Variants in GPHN observed in about 807,000 individuals in gnomAD.
The protein encoded by GPHN is gephyrin.
A neutral mutation model predicts 95.5 loss-of-function variants in GPHN; 17 were observed. The ratio of observed to expected loss-of-function variants is 0.18; its 90% CI spans 0.12 to 0.27. GPHN has a LOEUF of 0.27. Ranked by LOEUF, GPHN falls within the 10% of genes least tolerant of loss-of-function variation. The probability of loss-of-function intolerance (pLI) is 1.00; values close to 1 mark genes in which losing one functional copy is unlikely to be tolerated. For missense variants in GPHN, 660 were observed against 978.1 expected (o/e 0.67, Z 4.34); for synonymous variants, 320 against 322.5 (o/e 0.99, Z 0.08).
chr14:66,990,199 T>G (rs1428237541), intron 9 of GPHN, among the ~76,000 whole-genome samples: 1 of 151,996 alleles, frequency 6.6e-6, no homozygotes, highest in Non-Finnish European at 1.5e-5. Context: ...CCCTCACTAT[T>G]TACAAGAACA....
At chr14:67,298,652 G>A in the GPHN span, among the ~76,000 whole-genome samples, 1 of 152,180 alleles carries the variant, frequency 6.6e-6, no homozygotes, top group Non-Finnish European at 1.5e-5. Context: ...CATTTTTGGA[G>A]TAACTGACTT....
intron 8 of GPHN, among the ~76,000 whole-genome samples, chr14:66,926,352 T>C (rs1158344012): frequency 1.3e-5 from 2 of 152,204 alleles, no homozygotes; most frequent in African/African-American, 4.8e-5. Context: ...CAATGTTTCC[T>C]TTTAGTGGTT....
chr14:66,786,460 AT>A (rs916743009), intron 3 of GPHN, among the ~76,000 whole-genome samples: 33 of 152,190 alleles, frequency 2.2e-4, no homozygotes, highest in Non-Finnish European at 1.2e-4. Flanking sequence ...TCTACCAAAT[AT>A]TTAAAAAAGA....
the GPHN span, among the ~76,000 whole-genome samples, chr14:67,315,354 G>T: frequency 5.3e-5 from 7 of 132,738 alleles, no homozygotes; most frequent in South Asian, 1.2e-3. Context: ...TCAGCTCACT[G>T]CAAGCTCCGC....
intron 1 of GPHN, among the ~76,000 whole-genome samples, chr14:66,635,913 C>T (rs1595350929): frequency 2.0e-5 from 3 of 151,530 alleles, no homozygotes; most frequent in Admixed American, 6.6e-5. Flanking sequence ...CTGAGGCAGG[C>T]AGATCATAAG....
chr14:66,930,487 A>G (rs922402345), intron 8 of GPHN, among the ~76,000 whole-genome samples: 3 of 146,942 alleles, frequency 2.0e-5, no homozygotes, highest in Admixed American at 2.0e-4. Flanking sequence ...TATTTTTTCT[A>G]TCTATATTTT....
the GPHN span, among the ~76,000 whole-genome samples, chr14:67,597,501 C>CAA: frequency 7.1e-5 from 10 of 140,006 alleles, no homozygotes; most frequent in Admixed American, 2.8e-4. Flanking sequence ...AAACCTGTCT[C>CAA]AAAAAAAAAA....
chr14:67,380,373 C>T, the GPHN span, among the ~76,000 whole-genome samples: 2 of 151,950 alleles, frequency 1.3e-5, no homozygotes, highest in Admixed American at 6.6e-5. Flanking sequence ...GAGGCAGGGA[C>T]AGCTAATTGC....
the GPHN span, among the ~76,000 whole-genome samples, chr14:67,694,491 T>TATATATATATACACACACACACACAC: frequency 1.1e-5 from 1 of 94,676 alleles, no homozygotes; most frequent in Non-Finnish European, 2.8e-5. Flanking sequence ...CACACACACA[T>TATATATATATACACACACACACACAC]ATATATATAT....
At chr14:66,926,052 T>G (rs1371605229) in intron 8 of GPHN, among the ~76,000 whole-genome samples, 1 of 152,224 alleles carries the variant, frequency 6.6e-6, no homozygotes, top group Non-Finnish European at 1.5e-5. Context: ...ATGTCTTCCC[T>G]TGAGACACAT....
At chr14:67,317,362 T>A in the GPHN span, 1 of 1,472,044 alleles carries the variant, frequency 6.8e-7, no homozygotes, top group Non-Finnish European at 9.3e-7. Context: ...TATGTGGTTT[T>A]GTTCACGGGA....
chr14:67,620,132 C>G, the GPHN span: 2 of 1,412,350 alleles, frequency 1.4e-6, no homozygotes, highest in Non-Finnish European at 1.9e-6. Flanking sequence ...TCCTCCGCCC[C>G]CTAGAACCTG....
the GPHN span, chr14:67,384,995 C>T: frequency 1.3e-5 from 2 of 152,130 alleles, no homozygotes; most frequent in African/African-American, 4.8e-5. Flanking sequence ...ATTTTGTTTA[C>T]TGAAATTTGT....
At chr14:66,616,945 A>C (rs1327721927) in intron 1 of GPHN, among the ~76,000 whole-genome samples, 1 of 152,148 alleles carries the variant, frequency 6.6e-6, no homozygotes, top group African/African-American at 2.4e-5. Context: ...TGACCTCGTG[A>C]TCTGCCTGCC....
chr14:67,219,811 G>C, the GPHN span, among the ~76,000 whole-genome samples: 1 of 152,108 alleles, frequency 6.6e-6, no homozygotes, highest in Non-Finnish European at 1.5e-5. Context: ...CTCTACTGGA[G>C]AGAAATAAAT....
chr14:67,203,168 C>T, the GPHN span: 3 of 1,613,998 alleles, frequency 1.9e-6, no homozygotes, highest in East Asian at 4.5e-5. Flanking sequence ...GTTTTTCCAG[C>T]TCCACCCACA....
chr14:67,023,613 A>T lies in GPHN; in HGVS notation c.964-20A>T, dbSNP rs375968477. On this transcript the variant is annotated intron_variant, in intron 9 of 22. Transcript: ENST00000478722. Reference sequence around the variant, plus strand: ...TCATGCTATAAACCCTAAATTACTGAGTTTATGCTCTTTCTACAGGTCCAG... The same window carrying T: ...TCATGCTATAAACCCTAAATTACTGTGTTTATGCTCTTTCTACAGGTCCAG... The T allele has an allele frequency of 9.3e-5, 149 of 1,606,796 alleles. No homozygotes were observed. The highest frequency in any genetic ancestry group is 1.2e-4 in the Non-Finnish European group (139 of 1,173,446).
intron 18 of GPHN, among the ~76,000 whole-genome samples, chr14:67,156,279 T>G (rs1259512248): frequency 6.6e-6 from 1 of 152,086 alleles, no homozygotes; most frequent in Non-Finnish European, 1.5e-5. Context: ...GTAGAAAATA[T>G]ATACAATAAA....
intron 1 of GPHN, among the ~76,000 whole-genome samples, chr14:66,599,183 T>C (rs2062113065): frequency 6.6e-6 from 1 of 152,092 alleles, no homozygotes. Flanking sequence ...TCATTACTAC[T>C]GTTTTATTGT....
Sources: allele counts gnomAD v4.1 joint callset (sites outside exome capture counted in the v4.1 genomes callset), GRCh38; gene constraint gnomAD v4.1.1; transcripts MANE v1.5; gene names NCBI Gene and HGNC (gene_info 2026-07-23, HGNC 2026-07-21).